The following GRIK3 variants were observed in gnomAD, a reference collection of about 807,000 sequenced individuals.
GRIK3 encodes glutamate receptor ionotropic, kainate 3.
Under a neutral mutation model 102.5 loss-of-function variants are expected in GRIK3, and 29 were observed. That is an observed-to-expected ratio of 0.28 (90% CI 0.21 to 0.39). The LOEUF is 0.39. Ranked by LOEUF, GRIK3 falls within the 10% of genes least tolerant of loss-of-function variation. GRIK3 has a pLI of 1.00. For missense variants in GRIK3, 908 were observed against 1,252.4 expected (o/e 0.73, Z 4.15); for synonymous variants, 511 against 504.9 (o/e 1.01, Z -0.16).
In GRIK3 at chr1:36,801,508, A is replaced by G. The variant is rs1332246773; in HGVS notation, c.*343T>C. 1.5e-5 allele frequency: 3 copies of G among 203,396 alleles called. No individual in the cohort carries two copies. The highest frequency in any genetic ancestry group is 3.0e-5 in the Non-Finnish European group (3 of 101,286). The allele number at this position is 203,396 out of a possible 1,614,324, so 12.6% of individuals were successfully genotyped here. ...AATGGCAATATAAGAGCTGTCTTCC[A>G]TTTTCTGTGCCCTCTGCAGGGCTGC... On this transcript the variant is annotated 3_prime_UTR_variant, in exon 16 of 16. Coordinates refer to ENST00000373091, the MANE Select transcript of GRIK3 (RefSeq NM_000831.4).
At chr1:37,032,500 GA>G (rs141184137) in intron 1 of GRIK3, among the ~76,000 whole-genome samples, 28,088 of 152,100 alleles carry the variant, frequency 0.18, 3,835 homozygotes, top group African/African-American at 0.38. Context: ...GGGGGAAGGG[GA>G]GGCTTCCTGC....
chr1:36,830,366 A>C lies in GRIK3; in HGVS notation c.1531-4540T>G, dbSNP rs7516092. 4.1e-3 allele frequency among the ~76,000 whole-genome samples: 484 copies of C among 118,568 alleles called. 1 individual carries two copies. The highest frequency in any genetic ancestry group is 0.011 in the South Asian group (39 of 3,676). The allele number at this position is 118,568 out of a possible 152,430, so 77.8% of individuals were successfully genotyped here. A position where few individuals can be genotyped will look rare whatever the true frequency, so the allele number is the denominator to read the frequency against. On this transcript the variant is annotated intron_variant, in intron 10 of 15. Transcript: ENST00000373091. ...GTAGTGGATTGAATTATGCCCCCCC[A>C]CCCCCAATTATGTGCAAATCCTAAC... is the stretch of plus-strand genomic sequence containing the variant.
In GRIK3 at chr1:36,859,113, T is replaced by C. The variant is rs1398941029; in HGVS notation, c.1099A>G (p.Lys367Glu). The change falls in exon 7 of 16, where the codon AAG (lysine) becomes GAG (glutamate). Residue 367 changes from lysine (K) to glutamate (E), a missense_variant. Lys to Glu is a moderately conservative substitution (Grantham distance 56). This residue lies in a region of GRIK3 where 585 missense variants were observed against 824.9 expected (regional missense o/e 0.71). Coordinates refer to ENST00000373091, the MANE Select transcript of GRIK3 (RefSeq NM_000831.4). ...GGGGGCTGTGGGGCACTCACCTCCT[T>C]GATGAAGTTCATGAAGCGGCCGCCA... The part of the protein sequence containing the change: ...RFGGRFMNFI[K>E]EAQWEGLTGR... 1 of 1,607,792 alleles carries C rather than the reference T, an allele frequency of 6.2e-7. No individual in the cohort carries two copies. Among genetic ancestry groups the C allele is most frequent in the Admixed American group, 1.7e-5 (1 of 59,700 alleles).
At chr1:37,026,118 A>G (rs895967308) in intron 1 of GRIK3, among the ~76,000 whole-genome samples, 42 of 151,962 alleles carry the variant, frequency 2.8e-4, no homozygotes, top group African/African-American at 9.4e-4. Context: ...GCTGATCAAG[A>G]CTCTCTGGAC....
Position 36,806,057 on chromosome 1 carries a change from C to T in GRIK3, c.2314+47G>A. The T allele has an allele frequency of 7.4e-7, 1 of 1,344,006 alleles. No individual in the cohort carries two copies. 83.3% of individuals were successfully genotyped at this position (1,344,006 alleles called of 1,614,324 possible). On this transcript the variant is annotated intron_variant, in intron 14 of 15. Coordinates refer to ENST00000373091, the MANE Select transcript of GRIK3 (RefSeq NM_000831.4). The surrounding 1 kb of genome is among the most constrained non-coding windows in gnomAD (Gnocchi z 4.0). ...TGAGGGGACGCGGGGGTGGAGCCCT[C>T]CCTCTGCCCACACACCCACCCCTCC...
chr1:36,900,538 G>C (rs1442918000), intron 1 of GRIK3, among the ~76,000 whole-genome samples: 1 of 152,168 alleles, frequency 6.6e-6, no homozygotes, highest in East Asian at 1.9e-4. Flanking sequence ...AAATTTGTGG[G>C]ATGTAGTGAA....
rs538647 is a variant in GRIK3, at chr1:36,913,759, C to T, written c.116-22663G>A. The stretch of plus-strand genomic sequence containing the variant: ...CTGGGAGGAGCTCTCCCAGGCAAAC[C>T]TCTCCCAGAGGCATGACTCTAAGAT... On this transcript the variant is annotated intron_variant, in intron 1 of 15. Transcript: ENST00000373091. Among the ~76,000 whole-genome samples, 44 of 152,188 alleles carry T rather than the reference C, an allele frequency of 2.9e-4. 2 individuals are homozygous for T. Among genetic ancestry groups the T allele is most frequent in the African/African-American group, 1.0e-3 (42 of 41,524 alleles).
intron 1 of GRIK3, among the ~76,000 whole-genome samples, chr1:36,963,441 C>T (rs1208618930): frequency 1.3e-5 from 2 of 152,168 alleles, no homozygotes; most frequent in African/African-American, 4.8e-5. Context: ...GCATTAATAA[C>T]TACGATGGAG....
At position 36,850,250 on chromosome 1, in the gene GRIK3, C is replaced by T; in HGVS notation, c.1326+61G>A. 1 of 1,063,426 alleles carries T rather than the reference C, an allele frequency of 9.4e-7. No individual in the cohort carries two copies. Among genetic ancestry groups the T allele is most frequent in the East Asian group, 2.4e-5 (1 of 42,394 alleles). 65.9% of individuals were successfully genotyped at this position (1,063,426 alleles called of 1,614,324 possible). A position where few individuals can be genotyped will look rare whatever the true frequency, so the allele number is the denominator to read the frequency against. On this transcript the variant is annotated intron_variant, in intron 9 of 15. Transcript: ENST00000373091. The surrounding 1 kb of genome is among the most constrained non-coding windows in gnomAD (Gnocchi z 4.0). ...GGGGGGATAGAGGGGACTCTCCAGC[C>T]CGAACGGCCACCCCACCCCCAGGTC...
chr1:36,946,448 C>T (rs1641785957), intron 1 of GRIK3, among the ~76,000 whole-genome samples: 2 of 152,222 alleles, frequency 1.3e-5, no homozygotes, highest in African/African-American at 4.8e-5. Context: ...CAAGGGGCTG[C>T]TGGACAGCCC....
intron 1 of GRIK3, among the ~76,000 whole-genome samples, chr1:36,992,701 G>A (rs1212414614): frequency 6.6e-6 from 1 of 152,204 alleles, no homozygotes; most frequent in Non-Finnish European, 1.5e-5. Flanking sequence ...ACATCGTCAT[G>A]AGCAAGAATC....
intron 1 of GRIK3, among the ~76,000 whole-genome samples, chr1:37,009,773 G>A (rs1244930024): frequency 6.6e-6 from 1 of 152,168 alleles, no homozygotes; most frequent in Non-Finnish European, 1.5e-5. Flanking sequence ...ATGCAAATGG[G>A]GCTGGGCTGG....
At chr1:36,992,151 G>A (rs968809306) in intron 1 of GRIK3, among the ~76,000 whole-genome samples, 1 of 152,230 alleles carries the variant, frequency 6.6e-6, no homozygotes, top group Non-Finnish European at 1.5e-5. Context: ...GCATAGAGAT[G>A]AACACGATGC....
chr1:36,924,438 GAT>G (rs886627188), intron 1 of GRIK3, among the ~76,000 whole-genome samples: 20 of 152,180 alleles, frequency 1.3e-4, no homozygotes, highest in South Asian at 2.1e-4. Flanking sequence ...GGTAGGGAGA[GAT>G]TAGCTAAGAG....
chr1:36,847,880 T>A (rs950070941), intron 9 of GRIK3, among the ~76,000 whole-genome samples: 1 of 152,196 alleles, frequency 6.6e-6, no homozygotes, highest in Admixed American at 6.6e-5. Context: ...TCTGCCCAGA[T>A]GCCTTGCAGC....
chr1:36,975,329 C>T (rs546218163), intron 1 of GRIK3, among the ~76,000 whole-genome samples: 64 of 118,410 alleles, frequency 5.4e-4, no homozygotes, highest in African/African-American at 2.2e-3. Context: ...CTTGCTCTGT[C>T]GCCCAGGCTC....
intron 1 of GRIK3, among the ~76,000 whole-genome samples, chr1:36,926,686 G>T (rs1557427982): frequency 6.6e-6 from 1 of 152,198 alleles, no homozygotes; most frequent in East Asian, 1.9e-4. Context: ...ACCGTGCCCG[G>T]CCCTACTCCC....
chr1:36,847,700 T>G (rs1183662426), intron 9 of GRIK3, among the ~76,000 whole-genome samples: 1 of 152,252 alleles, frequency 6.6e-6, no homozygotes, highest in Non-Finnish European at 1.5e-5. Flanking sequence ...ACCTCCCTTT[T>G]TCAGGTGGAG....
chr1:36,955,801 T>C (rs1641899129), intron 1 of GRIK3, among the ~76,000 whole-genome samples: 1 of 152,334 alleles, frequency 6.6e-6, no homozygotes, highest in African/African-American at 2.4e-5. Flanking sequence ...CATGCACACA[T>C]CCAGAGTGTC....
Sources: allele counts gnomAD v4.1 joint callset (sites outside exome capture counted in the v4.1 genomes callset), GRCh38; gene constraint gnomAD v4.1.1; regional missense constraint gnomAD v4.1.1; non-coding constraint Gnocchi (gnomAD v3.1); transcripts MANE v1.5; gene names NCBI Gene and HGNC (gene_info 2026-07-23, HGNC 2026-07-21).